ITGB8: variants seen among roughly 807,000 people sequenced by gnomAD.
The protein encoded by ITGB8 is integrin subunit beta 8, also known as integrin beta-8.
Under a neutral mutation model 89.5 loss-of-function variants are expected in ITGB8, and 30 were observed. That is an observed-to-expected ratio of 0.34 (90% CI 0.25 to 0.45). The LOEUF (loss-of-function observed/expected upper bound fraction) is 0.45, where lower values mean the gene tolerates loss of function less well. Ranked by LOEUF, ITGB8 falls within the 20% of genes least tolerant of loss-of-function variation. ITGB8 has a pLI of 1.00. For synonymous variants in ITGB8, 335 were observed against 320.4 expected, an observed-to-expected ratio of 1.05 and a Z score of -0.49; for missense variants, 836 against 933.3, an observed-to-expected ratio of 0.90 and a Z score of 1.36.
Position 20,363,736 on chromosome 7 carries a change from T to C in ITGB8, c.213+14T>C. ...TGTGTTCAAGAGGTGTGCCATTTTT[T>C]TTTTTCTTTTTCTCATGGTTGACTT... On this transcript the variant is annotated intron_variant, in intron 2 of 13. Coordinates refer to ENST00000222573, the MANE Select transcript of ITGB8 (RefSeq NM_002214.3). 1.3e-6 allele frequency: 2 copies of C among 1,543,780 alleles called. No individual in the cohort carries two copies. Among genetic ancestry groups the C allele is most frequent in the East Asian group, 2.3e-5 (1 of 43,528 alleles).
chr7:20,365,179 T>A (rs1785645888), intron 2 of ITGB8: 1 of 152,208 alleles, frequency 6.6e-6, no homozygotes, highest in Admixed American at 6.5e-5. Flanking sequence ...TTTTGAGTAT[T>A]CGGAGGAATC....
At chr7:20,343,987 A>G (rs1229300456) in intron 1 of ITGB8, among the ~76,000 whole-genome samples, 2 of 152,152 alleles carry the variant, frequency 1.3e-5, no homozygotes, top group Admixed American at 6.5e-5. Flanking sequence ...GCAAATTTTC[A>G]CCATTACTAT....
intron 1 of ITGB8, among the ~76,000 whole-genome samples, chr7:20,342,590 G>A (rs920562336): frequency 2.6e-5 from 4 of 152,072 alleles, no homozygotes; most frequent in African/African-American, 9.7e-5. Flanking sequence ...CATAAACACT[G>A]GGAGACTGGC....
At chr7:20,351,443 A>G (rs1262407342) in intron 1 of ITGB8, among the ~76,000 whole-genome samples, 1 of 152,184 alleles carries the variant, frequency 6.6e-6, no homozygotes, top group Non-Finnish European at 1.5e-5. Context: ...AACTTTCCTC[A>G]TGGGAGCTTT....
At chr7:20,346,322 A>G (rs925349037) in intron 1 of ITGB8, among the ~76,000 whole-genome samples, 1 of 152,184 alleles carries the variant, frequency 6.6e-6, no homozygotes, top group African/African-American at 2.4e-5. Context: ...CTGGAAATGG[A>G]CTATGAATTT....
At chr7:20,353,029 T>C (rs3807936) in intron 1 of ITGB8, 16,185 of 152,232 alleles carry the variant, frequency 0.11, 1,014 homozygotes, top group East Asian at 0.37. Flanking sequence ...ATGGGTGTCA[T>C]TAGTGGCTTC....
Position 20,331,124 on chromosome 7 carries a change from C to A in ITGB8, c.-683C>A, listed in dbSNP as rs567449177. On this transcript the variant is annotated 5_prime_UTR_variant, in exon 1 of 14. Coordinates refer to ENST00000222573, the MANE Select transcript of ITGB8 (RefSeq NM_002214.3). Reference sequence around the variant, plus strand: ...GTCGGCGGGTGCTTCTAGGGCGCTCCCAGAGCCGCCTCCCCCTGTTGCTGG... The same window carrying A: ...GTCGGCGGGTGCTTCTAGGGCGCTCACAGAGCCGCCTCCCCCTGTTGCTGG... The A allele has an allele frequency of 6.4e-6, 1 of 155,476 alleles. No homozygotes were observed. Among genetic ancestry groups the A allele is most frequent in the South Asian group, 2.1e-4 (1 of 4,864 alleles). The allele number at this position is 155,476 out of a possible 1,614,324, so 9.6% of individuals were successfully genotyped here.
At chr7:20,376,835 T>G (rs1282336653) in intron 3 of ITGB8, among the ~76,000 whole-genome samples, 1 of 152,184 alleles carries the variant, frequency 6.6e-6, no homozygotes, top group Non-Finnish European at 1.5e-5. Context: ...GAAATACTCT[T>G]TTCCTCTTTA....
intron 6 of ITGB8, among the ~76,000 whole-genome samples, chr7:20,388,631 CT>C (rs1049119830): frequency 6.6e-6 from 1 of 151,292 alleles, no homozygotes; most frequent in African/African-American, 2.4e-5. Flanking sequence ...TTCGACTAAT[CT>C]TTTTTTTTCT....
At chr7:20,330,263 G>C (rs147305908), upstream of ITGB8, among the ~76,000 whole-genome samples, 724 of 152,334 alleles carry the variant, frequency 4.8e-3, 2 homozygotes, top group African/African-American at 0.017. Context: ...GCAGCCTTGT[G>C]GTGGGGTAGA....
At chr7:20,381,589 G>A (rs1321204192) in intron 5 of ITGB8, 138 bp from the exon 6 acceptor site, 3 of 576,782 alleles carry the variant, frequency 5.2e-6, no homozygotes, top group African/African-American at 3.8e-5. Context: ...AGCTATTTAC[G>A]CAGCAGCGTT....
intron 9 of ITGB8, among the ~76,000 whole-genome samples, chr7:20,400,211 G>C (rs552327896): frequency 1.4e-5 from 2 of 145,294 alleles, no homozygotes; most frequent in African/African-American, 5.6e-5. Context: ...CTTTTACATT[G>C]TTTTTTTTCT....
chr7:20,393,612 C>G (rs1367541592), intron 7 of ITGB8, among the ~76,000 whole-genome samples: 1 of 152,192 alleles, frequency 6.6e-6, no homozygotes, highest in Non-Finnish European at 1.5e-5. Context: ...GCCTTTCTGG[C>G]CTCATTGCCC....
rs1003903060 is a variant in ITGB8, at chr7:20,401,942, T to C, written c.1503T>C (p.Phe501=). The change falls in exon 10 of 14, where the codon TTT becomes TTC. Residue 501 remains phenylalanine (F), a synonymous_variant. Coordinates refer to ENST00000222573, the MANE Select transcript of ITGB8 (RefSeq NM_002214.3). ...AGTGTGATGAGAATAAATGTCATTTTGATGAAGATCAGTTTTCTTCTGAGA... is the reference window on the plus strand; with the variant it reads ...AGTGTGATGAGAATAAATGTCATTTCGATGAAGATCAGTTTTCTTCTGAGA... ...CFQCDENKCH[F]DEDQFSSESC... 8 of 1,614,220 alleles carry C rather than the reference T, an allele frequency of 5.0e-6. No homozygotes were observed. Among genetic ancestry groups the C allele is most frequent in the Non-Finnish European group, 6.8e-6 (8 of 1,180,018 alleles).
At chr7:20,392,875 C>T (rs1786920520) in intron 7 of ITGB8, among the ~76,000 whole-genome samples, 2 of 152,184 alleles carry the variant, frequency 1.3e-5, no homozygotes, top group Non-Finnish European at 2.9e-5. Context: ...CTAACATCTG[C>T]AGAAGTAGGA....
rs1223993104 is a variant in ITGB8 at position 20,411,970 on chromosome 7, T to G, written c.*1973T>G. The G allele has an allele frequency of 1.3e-5, 2 of 152,654 alleles. No individual in the cohort carries two copies. Among genetic ancestry groups the G allele is most frequent in the Non-Finnish European group, 2.9e-5 (2 of 68,036 alleles). The allele number at this position is 152,654 out of a possible 1,614,324, so 9.5% of individuals were successfully genotyped here. On this transcript the variant is annotated 3_prime_UTR_variant, in exon 14 of 14. Coordinates refer to ENST00000222573, the MANE Select transcript of ITGB8 (RefSeq NM_002214.3). ...ATTGGCTAGGAGTCTAACAGTCCTG[T>G]GTGGATATACAGTTTTGCCCATGAC...
chr7:20,367,600 A>C (rs1354961519), intron 3 of ITGB8, among the ~76,000 whole-genome samples: 3 of 152,184 alleles, frequency 2.0e-5, no homozygotes, highest in Non-Finnish European at 4.4e-5. Context: ...TCCAAAATTA[A>C]ATCAATCAAG....
intron 1 of ITGB8, among the ~76,000 whole-genome samples, chr7:20,341,319 A>AG (rs1562651348): frequency 1.3e-5 from 2 of 152,194 alleles, no homozygotes; most frequent in African/African-American, 2.4e-5. Flanking sequence ...GGCAACACTG[A>AG]GAAAAAAAAG....
chr7:20,331,661 G>C lies in ITGB8; in HGVS notation c.-146G>C, dbSNP rs1028260707. ...CCGGGCCCGCTTACCTGCACCGCTT[G>C]CTCCGAGCCGCGGGGTCCGCCTGCT... On this transcript the variant is annotated 5_prime_UTR_variant, in exon 1 of 14. Coordinates refer to ENST00000222573, the MANE Select transcript of ITGB8 (RefSeq NM_002214.3). The C allele has an allele frequency of 1.0e-6, 1 of 986,944 alleles. No homozygotes were observed. Among genetic ancestry groups the C allele is most frequent in the African/African-American group, 1.7e-5 (1 of 57,806 alleles). The allele number at this position is 986,944 out of a possible 1,614,324, so 61.1% of individuals were successfully genotyped here.
Sources: allele counts gnomAD v4.1 joint callset (sites outside exome capture counted in the v4.1 genomes callset), GRCh38; gene constraint gnomAD v4.1.1; transcripts MANE v1.5; gene names NCBI Gene and HGNC (gene_info 2026-07-23, HGNC 2026-07-21).